The following CNTN1 variants were observed in gnomAD, a reference collection of about 807,000 sequenced individuals.
The protein encoded by CNTN1 is contactin-1.
A neutral mutation model predicts 126.4 loss-of-function variants in CNTN1; 38 were observed. The observed-to-expected ratio is 0.30, with a 90% CI of 0.23 to 0.39. The LOEUF is 0.39. Ranked by LOEUF, CNTN1 falls within the 10% of genes least tolerant of loss-of-function variation. The probability of loss-of-function intolerance (pLI) is 1.00; values close to 1 mark genes in which losing one functional copy is unlikely to be tolerated. For synonymous variants in CNTN1, 413 were observed against 422.6 expected, an observed-to-expected ratio of 0.98 and a Z score of 0.28; for missense variants, 1,009 against 1,248.4, an observed-to-expected ratio of 0.81 and a Z score of 2.89.
intron 1 of CNTN1, among the ~76,000 whole-genome samples, chr12:40,736,490 C>A (rs1937688747): frequency 6.6e-6 from 1 of 151,980 alleles, no homozygotes; most frequent in South Asian, 2.1e-4. Context: ...CTTCACTGAT[C>A]ACAGTGAAAT....
At chr12:41,061,930 T>C in intron 23 of CNTN1, 1 of 317,166 alleles carries the variant, frequency 3.2e-6, no homozygotes, top group South Asian at 2.6e-5. Context: ...GCTTAGTATT[T>C]GAGTGTTGCT....
intron 1 of CNTN1, among the ~76,000 whole-genome samples, chr12:40,902,082 T>G (rs1944629039): frequency 6.6e-6 from 1 of 152,238 alleles, no homozygotes; most frequent in Non-Finnish European, 1.5e-5. Context: ...GTATCCCCTT[T>G]TAAAGGGGTA....
At chr12:41,046,089 T>G (rs1949532963) in intron 23 of CNTN1, among the ~76,000 whole-genome samples, 1 of 152,144 alleles carries the variant, frequency 6.6e-6, no homozygotes, top group Non-Finnish European at 1.5e-5. Flanking sequence ...CTGAAAGTTG[T>G]GAATCTTTAG....
At chr12:40,948,949 T>C (rs1410105656) in intron 14 of CNTN1, among the ~76,000 whole-genome samples, 2 of 152,200 alleles carry the variant, frequency 1.3e-5, no homozygotes, top group African/African-American at 4.8e-5. Context: ...AGGTGTGTGT[T>C]TGCAGGTATG....
chr12:40,797,399 G>A (rs1471602357), intron 1 of CNTN1, among the ~76,000 whole-genome samples: 2 of 151,984 alleles, frequency 1.3e-5, no homozygotes, highest in African/African-American at 4.8e-5. Flanking sequence ...AAAAGAACTG[G>A]AGAAAAGCAT....
chr12:40,778,305 G>GT (rs1260863153), intron 1 of CNTN1, among the ~76,000 whole-genome samples: 2 of 151,738 alleles, frequency 1.3e-5, no homozygotes, highest in East Asian at 3.9e-4. Flanking sequence ...CCCCTGTACT[G>GT]TTTTTGTAAA....
At chr12:40,762,913 T>C (rs1332085806) in intron 1 of CNTN1, among the ~76,000 whole-genome samples, 1 of 152,230 alleles carries the variant, frequency 6.6e-6, no homozygotes, top group Non-Finnish European at 1.5e-5. Context: ...TGTTGAAATC[T>C]GGTCCCCAGT....
intron 1 of CNTN1, among the ~76,000 whole-genome samples, chr12:40,824,879 TAAG>T (rs1006112386): frequency 2.0e-5 from 3 of 152,272 alleles, no homozygotes; most frequent in African/African-American, 7.2e-5. Context: ...TGGAATAAAA[TAAG>T]AATAATTAAC....
Position 40,933,690 on chromosome 12 carries a change from T to G in CNTN1, c.804-7T>G. ...GAAACTTTAACCCTTGTATCTTCTA[T>G]TTAAAGTCCTGTTCCGGATATCCGA... On this transcript the variant is annotated splice_region_variant and splice_polypyrimidine_tract_variant and intron_variant, in intron 8 of 23. Coordinates refer to ENST00000551295, the MANE Select transcript of CNTN1 (RefSeq NM_001843.4). 6.2e-7 allele frequency: 1 copy of G among 1,612,292 alleles called. No individual in the cohort carries two copies. The highest frequency in any genetic ancestry group is 8.5e-7 in the Non-Finnish European group (1 of 1,178,664).
chr12:40,809,851 A>ACAC (rs1206384993), intron 1 of CNTN1, among the ~76,000 whole-genome samples: 2 of 100,014 alleles, frequency 2.0e-5, no homozygotes, highest in African/African-American at 3.9e-5. Context: ...CACACACACA[A>ACAC]AAGTCAAAAC....
intron 23 of CNTN1, among the ~76,000 whole-genome samples, chr12:41,030,852 G>C (rs976482185): frequency 6.6e-6 from 1 of 152,086 alleles, no homozygotes; most frequent in Admixed American, 6.6e-5. Context: ...GGGGAAAATA[G>C]AATTTTCTTA....
At chr12:41,004,565 G>A (rs1047742413) in intron 17 of CNTN1, among the ~76,000 whole-genome samples, 60 of 152,290 alleles carry the variant, frequency 3.9e-4, no homozygotes, top group African/African-American at 1.4e-3. Context: ...TTATGTGGGA[G>A]TCTGAGTCTC....
chr12:40,891,971 C>T (rs755760711), intron 1 of CNTN1, among the ~76,000 whole-genome samples: 3 of 152,124 alleles, frequency 2.0e-5, no homozygotes, highest in Non-Finnish European at 4.4e-5. Flanking sequence ...GTAGATCAAG[C>T]TGGGCAGAAC....
At chr12:40,758,089 GAGAA>G (rs900779760) in intron 1 of CNTN1, among the ~76,000 whole-genome samples, 6 of 150,552 alleles carry the variant, frequency 4.0e-5, no homozygotes, top group Non-Finnish European at 7.4e-5. Flanking sequence ...TGGTGCCTTA[GAGAA>G]AGAAATTTTT....
At chr12:40,806,911 T>C (rs1940882140) in intron 1 of CNTN1, among the ~76,000 whole-genome samples, 1 of 152,140 alleles carries the variant, frequency 6.6e-6, no homozygotes, top group African/African-American at 2.4e-5. Flanking sequence ...CATTATTTTC[T>C]AGTTTATTCA....
At chr12:40,915,090 G>A (rs74078622) in intron 3 of CNTN1, among the ~76,000 whole-genome samples, 440 of 152,016 alleles carry the variant, frequency 2.9e-3, no homozygotes, top group African/African-American at 0.01. Context: ...TCTGAAAGCT[G>A]ACCAACTTTT....
intron 23 of CNTN1, among the ~76,000 whole-genome samples, chr12:41,032,377 A>AT (rs984566747): frequency 4.3e-5 from 4 of 93,374 alleles, no homozygotes; most frequent in Non-Finnish European, 7.9e-5. Context: ...CAAAAAAAAA[A>AT]AAAAAAGAAA....
intron 16 of CNTN1, among the ~76,000 whole-genome samples, chr12:40,984,505 A>T (rs1947905035): frequency 6.6e-6 from 1 of 152,194 alleles, no homozygotes; most frequent in South Asian, 2.1e-4. Flanking sequence ...AGGGAGCAAC[A>T]AAGAGAGAAG....
intron 3 of CNTN1, among the ~76,000 whole-genome samples, chr12:40,916,843 A>T (rs1945262944): frequency 6.6e-6 from 1 of 152,046 alleles, no homozygotes; most frequent in Admixed American, 6.6e-5. Context: ...AGAAAAGTTC[A>T]TGGCAGGAGC....
Sources: allele counts gnomAD v4.1 joint callset (sites outside exome capture counted in the v4.1 genomes callset), GRCh38; gene constraint gnomAD v4.1.1; transcripts MANE v1.5; gene names NCBI Gene and HGNC (gene_info 2026-07-23, HGNC 2026-07-21).